P3H2: variants seen among roughly 807,000 people sequenced by gnomAD.
P3H2 encodes the protein prolyl 3-hydroxylase 2, also known as leprecan-like 1.
Under a neutral mutation model 87.0 loss-of-function variants are expected in P3H2, and 80 were observed. The observed-to-expected ratio is 0.92, with a 90% confidence interval of 0.77 to 1.11. The LOEUF (loss-of-function observed/expected upper bound fraction) is 1.11, where lower values mean the gene tolerates loss of function less well. Among genes scored for constraint, P3H2 ranks in the 50% least tolerant of loss-of-function variants. The pLI is 0.00. For synonymous variants in P3H2, 367 were observed against 359.3 expected (o/e 1.02, Z -0.24); for missense variants, 1,001 against 923.9 (o/e 1.08, Z -1.08).
chr3:190,025,331 T>A (rs1472049913), intron 1 of P3H2, among the ~76,000 whole-genome samples: 1 of 152,208 alleles, frequency 6.6e-6, no homozygotes, highest in African/African-American at 2.4e-5. Flanking sequence ...AGCTGCATTA[T>A]CCCTCAATTA....
At chr3:189,969,914 G>A in intron 13 of P3H2, 2 of 846,802 alleles carry the variant, frequency 2.4e-6, no homozygotes, top group Non-Finnish European at 4.1e-6. Context: ...CTAAGGGAAT[G>A]AAGTGGGCCA....
At chr3:190,057,377 A>G (rs1356509531) in intron 1 of P3H2, among the ~76,000 whole-genome samples, 1 of 152,190 alleles carries the variant, frequency 6.6e-6, no homozygotes, top group Non-Finnish European at 1.5e-5. Flanking sequence ...AGTAAGAACC[A>G]TGGAAGGCTA....
chr3:190,080,558 G>A (rs914851577), intron 1 of P3H2, among the ~76,000 whole-genome samples: 13 of 151,910 alleles, frequency 8.6e-5, no homozygotes, highest in East Asian at 3.9e-4. Context: ...GCAACACCAC[G>A]CCCAGTTAAT....
At chr3:190,082,704 G>T (rs1727082663) in intron 1 of P3H2, among the ~76,000 whole-genome samples, 1 of 152,006 alleles carries the variant, frequency 6.6e-6, no homozygotes, top group African/African-American at 2.4e-5. Flanking sequence ...TTCTTAACAG[G>T]AATAAATGAA....
intron 11 of P3H2, 144 bp downstream of exon 11, chr3:189,972,730 T>C: frequency 1.2e-6 from 1 of 824,436 alleles, no homozygotes; most frequent in Non-Finnish European, 2.1e-6. Context: ...AGAAGCAGAA[T>C]AAGAGTTCAT....
chr3:190,115,888 C>A (rs1434450657), intron 1 of P3H2, among the ~76,000 whole-genome samples: 2 of 152,136 alleles, frequency 1.3e-5, no homozygotes, highest in Non-Finnish European at 2.9e-5. Context: ...CAACTCAGAC[C>A]TACTGAGCCT....
chr3:189,968,092 G>A (rs837678), intron 13 of P3H2, among the ~76,000 whole-genome samples: 29,715 of 152,048 alleles, frequency 0.2, 3,444 homozygotes, highest in Non-Finnish European at 0.27. Flanking sequence ...TCTATAATCT[G>A]CTTACTTTCT....
intron 13 of P3H2, 124 bp downstream of exon 13, chr3:189,970,692 C>T: frequency 1.5e-6 from 1 of 686,794 alleles, no homozygotes; most frequent in South Asian, 1.7e-5. Context: ...TACTGAAACT[C>T]TCTTAACCTC....
In P3H2 at chr3:190,007,986, A is replaced by ATATATATG. The variant is rs1560359925; in HGVS notation, c.481-12545_481-12544insCATATATA. On this transcript the variant is annotated intron_variant, in intron 1 of 14. Coordinates refer to ENST00000319332, the MANE Select transcript of P3H2 (RefSeq NM_018192.4). ...CACACATATATATATATATATATAT[A>ATATATATG]GTAAACTTCAGTAACGTTGATGAAT... Among the ~76,000 whole-genome samples the ATATATATG allele has an allele frequency of 1.3e-4, 19 of 141,622 alleles. 1 individual carries two copies. The highest frequency in any genetic ancestry group is 4.8e-4 in the African/African-American group (18 of 37,490). 92.9% of individuals were successfully genotyped at this position (141,622 alleles called of 152,430 possible). A position where few individuals can be genotyped will look rare whatever the true frequency, so the allele number is the denominator to read the frequency against.
intron 1 of P3H2, among the ~76,000 whole-genome samples, chr3:190,023,484 G>A (rs114714773): frequency 0.011 from 1,680 of 152,268 alleles, 30 homozygotes; most frequent in African/African-American, 0.038. Flanking sequence ...GAGGCGGCAG[G>A]AAGGAGAAGT....
chr3:190,109,037 A>G (rs1050568249), intron 1 of P3H2, among the ~76,000 whole-genome samples: 1 of 152,252 alleles, frequency 6.6e-6, no homozygotes, highest in African/African-American at 2.4e-5. Context: ...TGGAAGAAAG[A>G]CAAACATCTG....
intron 1 of P3H2, among the ~76,000 whole-genome samples, chr3:190,082,198 G>T (rs1402932648): frequency 6.6e-6 from 1 of 152,190 alleles, no homozygotes; most frequent in Non-Finnish European, 1.5e-5. Context: ...GGAAGTTGCA[G>T]TGAGCTGAGA....
At chr3:189,958,125 G>T in intron 14 of P3H2, 121 bp from the exon 15 acceptor site, 1 of 747,088 alleles carries the variant, frequency 1.3e-6, no homozygotes, top group Non-Finnish European at 2.4e-6. Flanking sequence ...ATCCAGTTAA[G>T]CATTGAACAC....
chr3:190,086,999 A>G (rs1442407451), intron 1 of P3H2, among the ~76,000 whole-genome samples: 1 of 152,224 alleles, frequency 6.6e-6, no homozygotes, highest in Non-Finnish European at 1.5e-5. Flanking sequence ...TTATTTACAC[A>G]TAAGAGCAGT....
intron 1 of P3H2, among the ~76,000 whole-genome samples, chr3:190,052,114 G>A (rs1480498624): frequency 1.3e-5 from 2 of 152,156 alleles, no homozygotes; most frequent in Non-Finnish European, 2.9e-5. Context: ...GGATACACGT[G>A]CAGAACGTGC....
chr3:190,083,551 G>A (rs1046094318), intron 1 of P3H2, among the ~76,000 whole-genome samples: 4 of 152,182 alleles, frequency 2.6e-5, no homozygotes, highest in African/African-American at 7.2e-5. Flanking sequence ...AATTACATCT[G>A]TCATCAAAGG....
At chr3:190,110,338 G>A (rs529251671) in intron 1 of P3H2, among the ~76,000 whole-genome samples, 2 of 152,238 alleles carry the variant, frequency 1.3e-5, no homozygotes, top group East Asian at 3.9e-4. Flanking sequence ...AAAATGCACA[G>A]GACAGCTTGC....
Position 190,052,548 on chromosome 3 carries a change from G to T in P3H2, c.481-57106C>A, listed in dbSNP as rs181036503. 1.3e-3 allele frequency among the ~76,000 whole-genome samples: 138 copies of T among 107,890 alleles called. 3 individuals are homozygous for T. The East Asian group carries it at 0.032, about 25-fold the overall frequency. 70.8% of individuals were successfully genotyped at this position (107,890 alleles called of 152,430 possible). A position where few individuals can be genotyped will look rare whatever the true frequency, so the allele number is the denominator to read the frequency against. On this transcript the variant is annotated intron_variant, in intron 1 of 14. Coordinates refer to ENST00000319332, the MANE Select transcript of P3H2 (RefSeq NM_018192.4). The stretch of plus-strand genomic sequence containing the variant: ...GAGATCTTTCTCCATGCTTAGCACT[G>T]TTCTCCATGAAGTAAGTAATATTAT...
At chr3:189,977,921 TA>T (rs1723402193) in intron 8 of P3H2, among the ~76,000 whole-genome samples, 1 of 152,138 alleles carries the variant, frequency 6.6e-6, no homozygotes, top group African/African-American at 2.4e-5. Context: ...AGTAGTCTTT[TA>T]AAAATCCCCC....
Sources: gnomAD v4.1 joint callset for allele counts (sites outside exome capture counted in the v4.1 genomes callset) on GRCh38, gnomAD v4.1.1 for gene constraint, MANE v1.5 for transcripts, NCBI Gene and HGNC (gene_info 2026-07-23, HGNC 2026-07-21) for gene names.